Variants in NOX4 observed in about 807,000 individuals in gnomAD.
NOX4 encodes NADPH oxidase 4, also known as kidney oxidase-1.
In NOX4, 69 loss-of-function variants were observed where a neutral mutation model predicts 87.6. The ratio of observed to expected loss-of-function variants is 0.79; its 90% CI spans 0.65 to 0.96. NOX4 has a LOEUF of 0.96. Ranked by LOEUF, NOX4 falls within the 40% of genes least tolerant of loss-of-function variation. The pLI, the probability that NOX4 is intolerant of heterozygous loss-of-function variation, is 0.00. For missense variants in NOX4, 680 were observed against 681.5 expected, an observed-to-expected ratio of 1.00 and a Z score of 0.02; for synonymous variants, 275 against 238.2, an observed-to-expected ratio of 1.15 and a Z score of -1.42.
chr11:89,446,987 C>T (rs1400830300), intron 4 of NOX4, among the ~76,000 whole-genome samples: 3 of 152,032 alleles, frequency 2.0e-5, no homozygotes, highest in Non-Finnish European at 4.4e-5. Flanking sequence ...AAATGATATA[C>T]AAAAACTCTC....
At chr11:89,395,035 G>T (rs1432863626) in intron 11 of NOX4, among the ~76,000 whole-genome samples, 8 of 152,130 alleles carry the variant, frequency 5.3e-5, no homozygotes, top group Non-Finnish European at 1.2e-4. Context: ...GGATCACAGG[G>T]TCAAATGGTG....
At chr11:89,335,498 T>C (rs1945665937) in intron 17 of NOX4, among the ~76,000 whole-genome samples, 1 of 151,798 alleles carries the variant, frequency 6.6e-6, no homozygotes, top group South Asian at 2.1e-4. Flanking sequence ...GTAAAATTCT[T>C]TGTTTGGAAA....
chr11:89,356,181 A>G (rs1264349869), intron 12 of NOX4, among the ~76,000 whole-genome samples: 1 of 152,148 alleles, frequency 6.6e-6, no homozygotes, highest in East Asian at 1.9e-4. Flanking sequence ...AATAATGACT[A>G]TCTTTTAGGA....
chr11:89,513,843 T>A, the NOX4 span, among the ~76,000 whole-genome samples: 2 of 152,040 alleles, frequency 1.3e-5, no homozygotes, highest in Non-Finnish European at 2.9e-5. Context: ...CCATGTCTCT[T>A]TCTACTACTC....
At chr11:89,376,310 G>C (rs1393243055) in intron 11 of NOX4, among the ~76,000 whole-genome samples, 1 of 152,188 alleles carries the variant, frequency 6.6e-6, no homozygotes, top group Non-Finnish European at 1.5e-5. Context: ...AGTATATGTG[G>C]TTTGAAAACG....
chr11:89,477,038 C>T (rs1042200260), intron 2 of NOX4, among the ~76,000 whole-genome samples: 1 of 152,084 alleles, frequency 6.6e-6, no homozygotes. Context: ...TTGGGGAAGA[C>T]AATTTTTCCA....
At chr11:89,394,106 C>T (rs1215030180) in intron 11 of NOX4, among the ~76,000 whole-genome samples, 1 of 152,088 alleles carries the variant, frequency 6.6e-6, no homozygotes, top group Non-Finnish European at 1.5e-5. Context: ...CTACACACTA[C>T]TTCTTTTGTG....
At chr11:89,517,237 T>C in the NOX4 span, among the ~76,000 whole-genome samples, 3 of 152,088 alleles carry the variant, frequency 2.0e-5, no homozygotes, top group African/African-American at 7.2e-5. Flanking sequence ...AACTTTTTAT[T>C]TCATTGGCCA....
At chr11:89,413,607 G>A (rs1185417628) in intron 8 of NOX4, among the ~76,000 whole-genome samples, 2 of 152,104 alleles carry the variant, frequency 1.3e-5, no homozygotes, top group East Asian at 1.9e-4. Context: ...TCACTTATTT[G>A]TGGGAGCTAA....
At chr11:89,439,405 A>G (rs1944361082) in intron 6 of NOX4, among the ~76,000 whole-genome samples, 1 of 152,142 alleles carries the variant, frequency 6.6e-6, no homozygotes, top group African/African-American at 2.4e-5. Flanking sequence ...ATACTTTGCA[A>G]GTGGCAAGTA....
At chr11:89,465,823 G>GTT (rs1945667853) in intron 2 of NOX4, among the ~76,000 whole-genome samples, 1 of 150,458 alleles carries the variant, frequency 6.6e-6, no homozygotes, top group African/African-American at 2.5e-5. Flanking sequence ...TTTATGATGG[G>GTT]GTTTTTTTTT....
At chr11:89,514,445 G>C in the NOX4 span, among the ~76,000 whole-genome samples, 1 of 151,970 alleles carries the variant, frequency 6.6e-6, no homozygotes, top group African/African-American at 2.4e-5. Context: ...ATACAAAAAA[G>C]ATAGTTTTCT....
intron 2 of NOX4, among the ~76,000 whole-genome samples, chr11:89,482,030 T>C (rs1329400968): frequency 6.6e-6 from 1 of 152,082 alleles, no homozygotes; most frequent in African/African-American, 2.4e-5. Context: ...AAATAAAATA[T>C]TGATGCTACT....
chr11:89,405,913 C>T (rs1187755701), intron 8 of NOX4, among the ~76,000 whole-genome samples: 1 of 152,012 alleles, frequency 6.6e-6, no homozygotes, highest in Non-Finnish European at 1.5e-5. Context: ...GGCCTATTCC[C>T]CTTGCAAAAT....
At chr11:89,407,923 A>T (rs1942274542) in intron 8 of NOX4, among the ~76,000 whole-genome samples, 1 of 152,056 alleles carries the variant, frequency 6.6e-6, no homozygotes, top group Admixed American at 6.6e-5. Flanking sequence ...TCTATCTTGA[A>T]GGAGGAGAAA....
the NOX4 span, among the ~76,000 whole-genome samples, chr11:89,552,606 A>G: frequency 6.6e-6 from 1 of 152,212 alleles, no homozygotes; most frequent in African/African-American, 2.4e-5. Flanking sequence ...ATGTTCTTTC[A>G]GTCCCAGGCA....
chr11:89,384,964 T>C (rs777707933), intron 11 of NOX4, among the ~76,000 whole-genome samples: 2 of 152,170 alleles, frequency 1.3e-5, no homozygotes, highest in Non-Finnish European at 1.5e-5. Context: ...GGTTTATCGA[T>C]GGCAGTTCCA....
chr11:89,394,275 C>T (rs1477217797), intron 11 of NOX4, among the ~76,000 whole-genome samples: 1 of 151,930 alleles, frequency 6.6e-6, no homozygotes, highest in Non-Finnish European at 1.5e-5. Flanking sequence ...AGTAAACTAA[C>T]CTCTATATTT....
intron 2 of NOX4, among the ~76,000 whole-genome samples, chr11:89,473,687 T>C (rs477811): frequency 0.055 from 8,346 of 152,224 alleles, 821 homozygotes; most frequent in African/African-American, 0.19. Flanking sequence ...CTTTTACTAA[T>C]TGAATCTATA....
Sources: gnomAD v4.1 joint callset for allele counts (sites outside exome capture counted in the v4.1 genomes callset) on GRCh38, gnomAD v4.1.1 for gene constraint, MANE v1.5 for transcripts, NCBI Gene and HGNC (gene_info 2026-07-23, HGNC 2026-07-21) for gene names.